The following PLEKHM2 variants were observed in gnomAD, a reference collection of about 807,000 sequenced individuals.
PLEKHM2 encodes pleckstrin homology domain-containing family M member 2.
PLEKHM2 carries 77 observed loss-of-function variants against 116.3 expected under a neutral mutation model. The observed-to-expected ratio is 0.66, with a 90% CI of 0.55 to 0.80. The LOEUF (loss-of-function observed/expected upper bound fraction) is 0.80, where lower values mean the gene tolerates loss of function less well. PLEKHM2 is among the 30% of genes least tolerant of loss of function. The probability of loss-of-function intolerance (pLI) is 0.00; values close to 1 mark genes in which losing one functional copy is unlikely to be tolerated. For synonymous variants in PLEKHM2, 562 were observed against 571.0 expected (o/e 0.98, Z 0.22); for missense variants, 1,183 against 1,354.9 (o/e 0.87, Z 1.99).
chr1:15,716,186 A>G (rs1641438671), intron 1 of PLEKHM2, 51 bp from the exon 2 acceptor site: 2 of 1,139,062 alleles, frequency 1.8e-6, no homozygotes, highest in Non-Finnish European at 2.5e-6. Context: ...GAACTTTTGT[A>G]GCCTTCCTCT....
chr1:15,730,772 G>A, intron 15 of PLEKHM2, 50 bp downstream of exon 15: 1 of 1,464,144 alleles, frequency 6.8e-7, no homozygotes, highest in Non-Finnish European at 9.3e-7. Context: ...TGGGGTGGCT[G>A]GGCTGTCAGG....
chr1:15,727,809 G>C lies in PLEKHM2; in HGVS notation c.1737G>C (p.Glu579Asp). ...ATGAGGGACAGGGGAGCCCTTCGGA[G>C]ATGGTCCATTCCTCGGAGTTCAGGT... The part of the protein sequence containing the change: ...GVDEGQGSPS[E>D]MVHSSEFRVD... Residue 579 changes from glutamate to aspartate, a missense_variant, in exon 9 of 20, where the codon GAG (glutamate) becomes GAC (aspartate). Coordinates refer to ENST00000375799, the MANE Select transcript of PLEKHM2 (RefSeq NM_015164.4). The surrounding 1 kb of genome is among the most constrained non-coding windows in gnomAD (Gnocchi z 7.5). The C allele has an allele frequency of 6.3e-7, 1 of 1,591,824 alleles. No homozygotes were observed. The highest frequency in any genetic ancestry group is 8.6e-7 in the Non-Finnish European group (1 of 1,168,978).
At chr1:15,718,421 C>A in intron 4 of PLEKHM2, 117 bp from the exon 5 acceptor site, 1 of 676,672 alleles carries the variant, frequency 1.5e-6, no homozygotes, top group South Asian at 1.7e-5. Context: ...AAGCTGGGTG[C>A]CGTCCAAGGT....
rs767241751 is a variant in PLEKHM2, at chr1:15,728,253, G to C, written c.1831-14G>C. 1.9e-6 allele frequency: 3 copies of C among 1,612,662 alleles called. No individual in the cohort carries two copies. On this transcript the variant is annotated splice_polypyrimidine_tract_variant and intron_variant, in intron 10 of 19. Coordinates refer to ENST00000375799, the MANE Select transcript of PLEKHM2 (RefSeq NM_015164.4). This position sits in a 1 kb window ranked among gnomAD's most constrained non-coding sequence, Gnocchi z 5.9. ...GGAGCCACCTGCCTGACCCTTGTCT[G>C]CTTCGGCCCCCAGATGATCCGGATG...
At chr1:15,692,420 C>G (rs1250579452) in intron 1 of PLEKHM2, among the ~76,000 whole-genome samples, 1 of 152,008 alleles carries the variant, frequency 6.6e-6, no homozygotes, top group Non-Finnish European at 1.5e-5. Flanking sequence ...TCCCTTCTTT[C>G]CTCTCTCCCA....
In PLEKHM2 at chr1:15,728,194, G is replaced by A. The variant is rs2068091517; in HGVS notation, c.1830+46G>A. 1 of 1,604,052 alleles carries A rather than the reference G, an allele frequency of 6.2e-7. No individual in the cohort carries two copies. The highest frequency in any genetic ancestry group is 1.3e-5 in the African/African-American group (1 of 74,730). Reference sequence around the variant, plus strand: ...AGTGAGCAAGAGACGGCAAGGGCAAGGCGGGATGGGCCACCGCCCCCGCTG... The same window carrying A: ...AGTGAGCAAGAGACGGCAAGGGCAAAGCGGGATGGGCCACCGCCCCCGCTG... On this transcript the variant is annotated intron_variant, in intron 10 of 19. Transcript: ENST00000375799. This position sits in a 1 kb window ranked among gnomAD's most constrained non-coding sequence, Gnocchi z 5.9.
intron 2 of PLEKHM2, 45 bp downstream of exon 2, chr1:15,716,388 C>A: frequency 2.6e-6 from 3 of 1,154,438 alleles, no homozygotes; most frequent in Non-Finnish European, 2.5e-6. Context: ...ACAACCCAGG[C>A]CATGAGTAGC....
chr1:15,711,302 C>A (rs1641325690), intron 1 of PLEKHM2, among the ~76,000 whole-genome samples: 1 of 151,694 alleles, frequency 6.6e-6, no homozygotes, highest in Non-Finnish European at 1.5e-5. Flanking sequence ...TCAAATTGTC[C>A]TAAAACTATA....
chr1:15,730,497 A>C, intron 14 of PLEKHM2, 35 bp from the exon 15 acceptor site: 1 of 1,493,672 alleles, frequency 6.7e-7, no homozygotes, highest in African/African-American at 1.4e-5. Context: ...CCCAGGCCTT[A>C]CTTGCTTTGT....
intron 1 of PLEKHM2, among the ~76,000 whole-genome samples, chr1:15,685,541 G>GAAAAA (rs200301672): frequency 0.017 from 1,269 of 72,630 alleles, no homozygotes; most frequent in Non-Finnish European, 0.024. Context: ...CTCAGAAACT[G>GAAAAA]AAAAAAAAAA....
At chr1:15,701,973 C>A (rs971318299) in intron 1 of PLEKHM2, among the ~76,000 whole-genome samples, 2 of 152,186 alleles carry the variant, frequency 1.3e-5, no homozygotes. Context: ...GTTATGGTGG[C>A]CTCCCTGAAG....
chr1:15,732,289 G>T, intron 17 of PLEKHM2, 61 bp from the exon 18 acceptor site: 2 of 1,375,970 alleles, frequency 1.5e-6, no homozygotes, highest in Non-Finnish European at 1.0e-6. Flanking sequence ...CTGGAGTGTG[G>T]ACTTCTGGTG....
rs567712524 is a variant in PLEKHM2 at position 15,696,609 on chromosome 1, C to T, written c.60+11991C>T. ...CAGGTGATCCGCCCGCCTCGGCCTCCCAAAGTGTTGGGATTACAGGCATGA... is the reference window on the plus strand; with the variant it reads ...CAGGTGATCCGCCCGCCTCGGCCTCTCAAAGTGTTGGGATTACAGGCATGA... On this transcript the variant is annotated intron_variant, in intron 1 of 19. Coordinates refer to ENST00000375799, the MANE Select transcript of PLEKHM2 (RefSeq NM_015164.4). Among the ~76,000 whole-genome samples the T allele has an allele frequency of 2.0e-5, 3 of 152,350 alleles. No homozygotes were observed. The East Asian group carries it at 5.8e-4, about 29-fold the overall frequency.
Position 15,730,734 on chromosome 1 carries a change from G to A in PLEKHM2, c.2399+12G>A. 6.3e-7 allele frequency: 1 copy of A among 1,580,428 alleles called. No homozygotes were observed. Among genetic ancestry groups the A allele is most frequent in the Non-Finnish European group, 8.6e-7 (1 of 1,163,552 alleles). On this transcript the variant is annotated intron_variant, in intron 15 of 19. Coordinates refer to ENST00000375799, the MANE Select transcript of PLEKHM2 (RefSeq NM_015164.4). ...TTCGTGGTGCTCAGGTGGGAGCCCT[G>A]GCAGCTCTAGGCCTGGGGCTTGGGC... is the stretch of plus-strand genomic sequence containing the variant.
chr1:15,695,551 C>G (rs1571023816), intron 1 of PLEKHM2, among the ~76,000 whole-genome samples: 1 of 152,214 alleles, frequency 6.6e-6, no homozygotes, highest in Middle Eastern at 3.4e-3. Flanking sequence ...TTCGCTCTTT[C>G]ACCAGGCTGG....
intron 1 of PLEKHM2, among the ~76,000 whole-genome samples, chr1:15,715,606 C>A (rs905987410): frequency 1.3e-5 from 2 of 152,068 alleles, no homozygotes; most frequent in Non-Finnish European, 2.9e-5. Flanking sequence ...ATGCCACTGC[C>A]CTCCAGCCTG....
At chr1:15,725,586 G>A (rs2068053913) in intron 8 of PLEKHM2, 41 bp downstream of exon 8, 2 of 1,361,654 alleles carry the variant, frequency 1.5e-6, no homozygotes, top group South Asian at 1.2e-5. Flanking sequence ...AGGTCCTGGG[G>A]TCCAACCTGT....
In PLEKHM2 at chr1:15,721,226, T is replaced by C; in HGVS notation, c.653-103T>C. 1 of 749,114 alleles carries C rather than the reference T, an allele frequency of 1.3e-6. No individual in the cohort carries two copies. Among genetic ancestry groups the C allele is most frequent in the South Asian group, 1.6e-5 (1 of 63,590 alleles). 46.4% of individuals were successfully genotyped at this position (749,114 alleles called of 1,614,324 possible). A position where few individuals can be genotyped will look rare whatever the true frequency, so the allele number is the denominator to read the frequency against. Reference sequence around the variant, plus strand: ...GTAGAAAGTTGAAGTTTTCCTCTCCTATTTTCTCCCCATGTCTCCCACCCC... The same window carrying C: ...GTAGAAAGTTGAAGTTTTCCTCTCCCATTTTCTCCCCATGTCTCCCACCCC... On this transcript the variant is annotated intron_variant, in intron 6 of 19. Transcript: ENST00000375799. The surrounding 1 kb of genome is among the most constrained non-coding windows in gnomAD (Gnocchi z 5.1).
rs577180910 is a variant in PLEKHM2, at chr1:15,704,013, C to G, written c.61-12224C>G. On this transcript the variant is annotated intron_variant, in intron 1 of 19. Coordinates refer to ENST00000375799, the MANE Select transcript of PLEKHM2 (RefSeq NM_015164.4). Reference sequence around the variant, plus strand: ...CTCAGAGTCCGTGGACCTTAGGGAACCACCATGTTTAAAAATTTACCTTAA... The same window carrying G: ...CTCAGAGTCCGTGGACCTTAGGGAAGCACCATGTTTAAAAATTTACCTTAA... 5.3e-5 allele frequency among the ~76,000 whole-genome samples: 8 copies of G among 152,292 alleles called. No individual in the cohort carries two copies. The East Asian group carries it at 1.5e-3, about 29-fold the overall frequency.
Sources: gnomAD v4.1 joint callset for allele counts (sites outside exome capture counted in the v4.1 genomes callset) on GRCh38, gnomAD v4.1.1 for gene constraint, Gnocchi (gnomAD v3.1) non-coding constraint, MANE v1.5 for transcripts, NCBI Gene and HGNC (gene_info 2026-07-23, HGNC 2026-07-21) for gene names.